CCDC60: variants seen among roughly 807,000 people sequenced by gnomAD.
CCDC60 encodes coiled-coil domain-containing protein 60.
In CCDC60, 54 loss-of-function variants were observed where a neutral mutation model predicts 63.5. That is an observed-to-expected ratio of 0.85 (90% CI 0.68 to 1.07). CCDC60 has a LOEUF of 1.07. CCDC60 is among the 50% of genes least tolerant of loss of function. The pLI, the probability that CCDC60 is intolerant of heterozygous loss-of-function variation, is 0.00. For missense variants in CCDC60, 651 were observed against 684.3 expected (o/e 0.95, Z 0.54); for synonymous variants, 206 against 238.8 (o/e 0.86, Z 1.27).
rs1566050777 is a variant in CCDC60, at chr12:119,507,605, TATATA to T, written c.883+2303_883+2307del. On this transcript the variant is annotated intron_variant, in intron 7 of 13. Transcript: ENST00000327554. ...ACATATATATACATATATATATATA[TATATA>T]TATATTTTTTTTTTTTTTTTCTAGA... Among the ~76,000 whole-genome samples the T allele has an allele frequency of 4.1e-3, 133 of 32,528 alleles. 13 individuals are homozygous for T. The highest frequency in any genetic ancestry group is 6.5e-3 in the South Asian group (5 of 766). The allele number at this position is 32,528 out of a possible 152,430, so 21.3% of individuals were successfully genotyped here.
At chr12:119,369,097 G>A (rs1206428162) in intron 1 of CCDC60, among the ~76,000 whole-genome samples, 3 of 152,212 alleles carry the variant, frequency 2.0e-5, no homozygotes, top group Admixed American at 1.3e-4. Context: ...TGCAGAACTA[G>A]GGATACAGGA....
chr12:119,496,328 T>A (rs564297054), intron 5 of CCDC60, among the ~76,000 whole-genome samples: 1 of 152,332 alleles, frequency 6.6e-6, no homozygotes, highest in African/African-American at 2.4e-5. Flanking sequence ...TGGATAGACA[T>A]CTTCAAGTGA....
rs564817082 is a variant in CCDC60 at position 119,419,457 on chromosome 12, T to C, written c.91-9226T>C. ...TCACTTCAGGTTCACCTGATAAGAG[T>C]TTGTCCTGTCATTGGTGATGCTAAG... On this transcript the variant is annotated intron_variant, in intron 1 of 13. Transcript: ENST00000327554. Among the ~76,000 whole-genome samples, 4 of 152,220 alleles carry C rather than the reference T, an allele frequency of 2.6e-5. No individual in the cohort carries two copies. The East Asian group carries it at 7.7e-4, about 29-fold the overall frequency.
chr12:119,360,693 T>C (rs1955777523), intron 1 of CCDC60, among the ~76,000 whole-genome samples: 2 of 150,082 alleles, frequency 1.3e-5, no homozygotes, highest in South Asian at 4.2e-4. Context: ...CTAGATGTGA[T>C]GGCGGCCGGG....
intron 5 of CCDC60, among the ~76,000 whole-genome samples, chr12:119,494,707 G>A (rs544489255): frequency 1.7e-4 from 21 of 121,368 alleles, no homozygotes; most frequent in South Asian, 1.5e-3. Context: ...TCAGCCAGGC[G>A]TGGTGGCTCA....
chr12:119,335,291 A>T (rs763404713), intron 1 of CCDC60, 25 bp downstream of exon 1: 1 of 1,534,354 alleles, frequency 6.5e-7, no homozygotes. Flanking sequence ...TGCTGAAACC[A>T]ATCATGTTTT....
chr12:119,474,825 A>T (rs2136333894), intron 3 of CCDC60, among the ~76,000 whole-genome samples: 1 of 152,248 alleles, frequency 6.6e-6, no homozygotes, highest in African/African-American at 2.4e-5. Flanking sequence ...TGGGCAACAT[A>T]GAGAGACTCC....
At chr12:119,466,921 A>G (rs1172609453) in intron 2 of CCDC60, among the ~76,000 whole-genome samples, 4 of 152,216 alleles carry the variant, frequency 2.6e-5, no homozygotes, top group African/African-American at 9.6e-5. Flanking sequence ...GCACCTTTCC[A>G]TAAGATATGT....
chr12:119,466,001 A>C (rs1593128114), intron 2 of CCDC60, among the ~76,000 whole-genome samples: 1 of 152,162 alleles, frequency 6.6e-6, no homozygotes, highest in South Asian at 2.1e-4. Context: ...TATTCAATGG[A>C]AACGAAACTT....
intron 13 of CCDC60, among the ~76,000 whole-genome samples, chr12:119,534,693 G>A (rs1211918525): frequency 1.3e-5 from 2 of 152,126 alleles, no homozygotes; most frequent in African/African-American, 2.4e-5. Flanking sequence ...TTTGTCGATG[G>A]TTCTGTTTAT....
chr12:119,503,266 G>A (rs969913682), intron 6 of CCDC60, among the ~76,000 whole-genome samples: 3 of 152,180 alleles, frequency 2.0e-5, no homozygotes, highest in African/African-American at 7.2e-5. Context: ...AATGGAAAGA[G>A]GCAACTTCTA....
rs1054776989 is a variant in CCDC60 at position 119,383,108 on chromosome 12, A to G, written c.91-45575A>G. ...AGTCTGGAAGTGATTGGATGAATAGAGATTTAAATCCAGATCTGGGCTGGG... is the reference window on the plus strand; with the variant it reads ...AGTCTGGAAGTGATTGGATGAATAGGGATTTAAATCCAGATCTGGGCTGGG... On this transcript the variant is annotated intron_variant, in intron 1 of 13. Transcript: ENST00000327554. Among the ~76,000 whole-genome samples, 13 of 152,294 alleles carry G rather than the reference A, an allele frequency of 8.5e-5. 1 individual carries two copies. Among genetic ancestry groups the G allele is most frequent in the Admixed American group, 5.2e-4 (8 of 15,302 alleles).
chr12:119,382,635 A>G (rs908510474), intron 1 of CCDC60, among the ~76,000 whole-genome samples: 2 of 152,220 alleles, frequency 1.3e-5, no homozygotes, highest in Admixed American at 1.3e-4. Context: ...TGAATGAATG[A>G]ATAAGCAGAG....
intron 2 of CCDC60, among the ~76,000 whole-genome samples, chr12:119,436,862 A>G (rs1475756708): frequency 6.6e-6 from 1 of 152,176 alleles, no homozygotes; most frequent in Non-Finnish European, 1.5e-5. Context: ...TTTTAACTGC[A>G]TTACTCAGGT....
intron 1 of CCDC60, among the ~76,000 whole-genome samples, chr12:119,406,525 T>G (rs1956494954): frequency 6.6e-6 from 1 of 152,126 alleles, no homozygotes; most frequent in African/African-American, 2.4e-5. Flanking sequence ...AAACACAATG[T>G]GACAAGGTCA....
At chr12:119,421,855 C>T (rs1311227258) in intron 1 of CCDC60, among the ~76,000 whole-genome samples, 3 of 152,190 alleles carry the variant, frequency 2.0e-5, no homozygotes, top group Non-Finnish European at 4.4e-5. Flanking sequence ...GGTTAAACCA[C>T]ACCACTTCCC....
At chr12:119,503,432 T>C (rs1478154196) in intron 6 of CCDC60, among the ~76,000 whole-genome samples, 1 of 152,246 alleles carries the variant, frequency 6.6e-6, no homozygotes, top group Non-Finnish European at 1.5e-5. Context: ...AGGACATGCC[T>C]GCTTTGGGTG....
At chr12:119,465,953 G>A (rs989116732) in intron 2 of CCDC60, among the ~76,000 whole-genome samples, 1 of 152,106 alleles carries the variant, frequency 6.6e-6, no homozygotes, top group Non-Finnish European at 1.5e-5. Flanking sequence ...CAACATTTTG[G>A]TAGCACACAT....
chr12:119,495,130 A>G (rs1951691822), intron 5 of CCDC60, among the ~76,000 whole-genome samples: 1 of 152,206 alleles, frequency 6.6e-6, no homozygotes, highest in Non-Finnish European at 1.5e-5. Flanking sequence ...AGGCATAGAA[A>G]ATTAATTTGC....
Sources: gnomAD v4.1 joint callset for allele counts (sites outside exome capture counted in the v4.1 genomes callset) on GRCh38, gnomAD v4.1.1 for gene constraint, MANE v1.5 for transcripts, NCBI Gene and HGNC (gene_info 2026-07-23, HGNC 2026-07-21) for gene names.